The following MAP2K5 variants were observed in gnomAD, a reference collection of about 807,000 sequenced individuals.
The protein encoded by MAP2K5 is dual specificity mitogen-activated protein kinase kinase 5.
A neutral mutation model predicts 83.1 loss-of-function variants in MAP2K5; 49 were observed. The ratio of observed to expected loss-of-function variants is 0.59; its 90% CI spans 0.47 to 0.75. The LOEUF is 0.75. Ranked by LOEUF, MAP2K5 falls within the 30% of genes least tolerant of loss-of-function variation. MAP2K5 has a pLI of 0.00. For missense variants in MAP2K5, 457 were observed against 557.5 expected (o/e 0.82, Z 1.82); for synonymous variants, 202 against 191.8 (o/e 1.05, Z -0.44).
intron 8 of MAP2K5, chr15:67,628,903 A>G (rs1028397999): frequency 9.3e-6 from 7 of 750,980 alleles, no homozygotes; most frequent in African/African-American, 5.1e-5. Flanking sequence ...ATGGATGGCT[A>G]TAATGGATTT....
At chr15:67,670,216 T>C (rs1371776876) in intron 13 of MAP2K5, among the ~76,000 whole-genome samples, 2 of 152,184 alleles carry the variant, frequency 1.3e-5, no homozygotes, top group Admixed American at 6.5e-5. Flanking sequence ...ATTCCACTTA[T>C]ATGACATTCT....
In MAP2K5 at chr15:67,677,644, G is replaced by A. The variant is rs2087712433; in HGVS notation, c.847+12999G>A. On this transcript the variant is annotated intron_variant, in intron 13 of 21. Coordinates refer to ENST00000178640, the MANE Select transcript of MAP2K5 (RefSeq NM_145160.3). This position sits in a 1 kb window ranked among gnomAD's most constrained non-coding sequence, Gnocchi z 4.2. ...ACAGTCAGTGGTATCTTAGACTTGG[G>A]GAAGTAGGTTGTGCAGGAACACATT... Among the ~76,000 whole-genome samples, 1 of 152,162 alleles carries A rather than the reference G, an allele frequency of 6.6e-6. No individual in the cohort carries two copies. Among genetic ancestry groups the A allele is most frequent in the African/African-American group, 2.4e-5 (1 of 41,418 alleles).
At chr15:67,589,965 A>C (rs1162074831) in intron 6 of MAP2K5, among the ~76,000 whole-genome samples, 1 of 152,218 alleles carries the variant, frequency 6.6e-6, no homozygotes, top group African/African-American at 2.4e-5. Flanking sequence ...AATGCCTAGC[A>C]CATGGTCATC....
chr15:67,560,153 AC>A (rs2084704933), intron 2 of MAP2K5, among the ~76,000 whole-genome samples: 1 of 152,152 alleles, frequency 6.6e-6, no homozygotes, highest in Admixed American at 6.5e-5. Context: ...CTTACCCTTC[AC>A]TAACTTTTCG....
intron 1 of MAP2K5, among the ~76,000 whole-genome samples, chr15:67,547,639 T>G (rs1164333729): frequency 6.6e-6 from 1 of 152,026 alleles, no homozygotes; most frequent in Non-Finnish European, 1.5e-5. Context: ...GTATTTTTAG[T>G]AGAGACAGGG....
chr15:67,748,208 A>G lies in MAP2K5; in HGVS notation c.1075-23A>G. 1 of 1,575,592 alleles carries G rather than the reference A, an allele frequency of 6.3e-7. No homozygotes were observed. The highest frequency in any genetic ancestry group is 8.7e-7 in the Non-Finnish European group (1 of 1,145,870). ...TGAGTCATTTTGATTATGACATGCT[A>G]ATTACATATTGCCTTTTTTCAGATT... On this transcript the variant is annotated intron_variant, in intron 17 of 21. Coordinates refer to ENST00000178640, the MANE Select transcript of MAP2K5 (RefSeq NM_145160.3). This position sits in a 1 kb window ranked among gnomAD's most constrained non-coding sequence, Gnocchi z 4.0.
intron 11 of MAP2K5, among the ~76,000 whole-genome samples, chr15:67,657,642 C>T (rs1035376478): frequency 6.6e-6 from 1 of 151,068 alleles, no homozygotes; most frequent in African/African-American, 2.4e-5. Flanking sequence ...TTCCAATCTG[C>T]AAACTACAAG....
intron 15 of MAP2K5, among the ~76,000 whole-genome samples, chr15:67,693,854 G>A (rs1015563280): frequency 6.6e-6 from 1 of 151,990 alleles, no homozygotes; most frequent in Non-Finnish European, 1.5e-5. Context: ...GTAGCATACT[G>A]GCCACTTTTC....
intron 3 of MAP2K5, among the ~76,000 whole-genome samples, chr15:67,568,151 G>A (rs1021337605): frequency 2.0e-5 from 3 of 151,760 alleles, no homozygotes; most frequent in Non-Finnish European, 2.9e-5. Context: ...TTCCCACATT[G>A]CCAGGAGAGT....
intron 17 of MAP2K5, among the ~76,000 whole-genome samples, chr15:67,737,239 G>C (rs189255902): frequency 9.7e-4 from 147 of 152,280 alleles, no homozygotes; most frequent in Middle Eastern, 3.4e-3. Context: ...TGGATCCCTG[G>C]GGGGAGAATG....
At position 67,636,155 on chromosome 15, in the gene MAP2K5, G is replaced by A. The variant is rs1031393381; in HGVS notation, c.585+5228G>A. The stretch of plus-strand genomic sequence containing the variant: ...TGACCGGGCGCCGTGGCTCATGCCT[G>A]TAATCCCAGCACTTTGAAAGGCTGA... On this transcript the variant is annotated intron_variant, in intron 9 of 21. Coordinates refer to ENST00000178640, the MANE Select transcript of MAP2K5 (RefSeq NM_145160.3). This position sits in a 1 kb window ranked among gnomAD's most constrained non-coding sequence, Gnocchi z 4.7. 1.1e-4 allele frequency among the ~76,000 whole-genome samples: 17 copies of A among 152,164 alleles called. No homozygotes were observed. Among genetic ancestry groups the A allele is most frequent in the African/African-American group, 3.9e-4 (16 of 41,446 alleles).
intron 8 of MAP2K5, among the ~76,000 whole-genome samples, chr15:67,624,348 A>AAG (rs2086262428): frequency 6.6e-6 from 1 of 150,750 alleles, no homozygotes; most frequent in Non-Finnish European, 1.5e-5. Flanking sequence ...CAAAAAAAAA[A>AAG]AAAAAAAAAA....
At chr15:67,619,148 C>T (rs2086122907) in intron 8 of MAP2K5, among the ~76,000 whole-genome samples, 1 of 152,150 alleles carries the variant, frequency 6.6e-6, no homozygotes, top group Non-Finnish European at 1.5e-5. Flanking sequence ...CCTGGAATCC[C>T]CTTCCCCTAG....
In MAP2K5 at chr15:67,786,072, A is replaced by G. The variant is rs543305726; in HGVS notation, c.1242+13320A>G. Among the ~76,000 whole-genome samples the G allele has an allele frequency of 5.3e-5, 8 of 151,466 alleles. No individual in the cohort carries two copies. The highest frequency in any genetic ancestry group is 1.9e-4 in the African/African-American group (8 of 41,210). ...GAGGTTATGAAAGTGTTTGTAAACT[A>G]TGAAGTGCGAGACATACATGGGGCA... On this transcript the variant is annotated intron_variant, in intron 21 of 21. Transcript: ENST00000178640. The surrounding 1 kb of genome is among the most constrained non-coding windows in gnomAD (Gnocchi z 4.7).
chr15:67,569,441 A>G (rs1347647576), intron 3 of MAP2K5, among the ~76,000 whole-genome samples: 2 of 152,272 alleles, frequency 1.3e-5, no homozygotes. Context: ...ATTTACTCAA[A>G]TAATGACATG....
chr15:67,549,557 T>C (rs749228133), intron 1 of MAP2K5, among the ~76,000 whole-genome samples: 19 of 152,234 alleles, frequency 1.2e-4, no homozygotes, highest in Non-Finnish European at 2.8e-4. Context: ...AGTTTATGTT[T>C]ATTAGATTAA....
chr15:67,575,946 G>T (rs376616328), intron 3 of MAP2K5, among the ~76,000 whole-genome samples: 3 of 54,870 alleles, frequency 5.5e-5, no homozygotes, highest in African/African-American at 2.9e-4. Flanking sequence ...TTAAGATGGA[G>T]TCTTGCTGTG....
chr15:67,704,520 A>G (rs2088503616), intron 16 of MAP2K5, among the ~76,000 whole-genome samples: 1 of 152,216 alleles, frequency 6.6e-6, no homozygotes, highest in Non-Finnish European at 1.5e-5. Context: ...CATGAATGCA[A>G]TTGTATTTGT....
rs1321067459 is a variant in MAP2K5 at position 67,747,315 on chromosome 15, T to C, written c.1075-916T>C. Among the ~76,000 whole-genome samples the C allele has an allele frequency of 1.3e-5, 2 of 152,224 alleles. No homozygotes were observed. The highest frequency in any genetic ancestry group is 3.8e-4 in the East Asian group (2 of 5,200). On this transcript the variant is annotated intron_variant, in intron 17 of 21. Transcript: ENST00000178640. This position sits in a 1 kb window ranked among gnomAD's most constrained non-coding sequence, Gnocchi z 4.1. ...TTACCGGCTGGTTGGAGCCCAGTTA[T>C]CTCAGAAAACAGTTGACCCATCAGT...
Sources: gnomAD v4.1 joint callset for allele counts (sites outside exome capture counted in the v4.1 genomes callset) on GRCh38, gnomAD v4.1.1 for gene constraint, Gnocchi (gnomAD v3.1) non-coding constraint, MANE v1.5 for transcripts, NCBI Gene and HGNC (gene_info 2026-07-23, HGNC 2026-07-21) for gene names.